TXNRD2: variants seen among roughly 807,000 people sequenced by gnomAD.
TXNRD2 encodes thioredoxin reductase 2, mitochondrial.
A neutral mutation model predicts 70.8 loss-of-function variants in TXNRD2; 67 were observed. The observed-to-expected ratio is 0.95, with a 90% confidence interval of 0.78 to 1.16. The LOEUF is 1.16. Among genes scored for constraint, TXNRD2 ranks in the 50% most tolerant of loss-of-function variants. The probability of loss-of-function intolerance (pLI) is 0.00; values close to 1 mark genes in which losing one functional copy is unlikely to be tolerated. For synonymous variants in TXNRD2, 301 were observed against 295.8 expected (o/e 1.02, Z -0.18); for missense variants, 644 against 719.9 (o/e 0.89, Z 1.21).
chr22:19,924,308 A>G (rs12484658), intron 2 of TXNRD2, among the ~76,000 whole-genome samples: 12,880 of 152,116 alleles, frequency 0.085, 744 homozygotes, highest in East Asian at 0.22. Flanking sequence ...CAGGGCGTTC[A>G]TCTTCATCCT....
At chr22:19,903,550 G>A (rs933641017) in intron 8 of TXNRD2, among the ~76,000 whole-genome samples, 2 of 152,248 alleles carry the variant, frequency 1.3e-5, no homozygotes, top group African/African-American at 4.8e-5. Context: ...AGTCCCTGCC[G>A]GGTGCGGAGG....
chr22:19,888,365 A>C (rs927760874), intron 11 of TXNRD2, among the ~76,000 whole-genome samples: 13 of 152,114 alleles, frequency 8.5e-5, no homozygotes, highest in African/African-American at 2.4e-4. Flanking sequence ...AACCACCCAC[A>C]CAGTCACCAT....
At chr22:19,909,399 G>A (rs1940216420) in intron 8 of TXNRD2, among the ~76,000 whole-genome samples, 2 of 151,750 alleles carry the variant, frequency 1.3e-5, no homozygotes, top group African/African-American at 2.4e-5. Flanking sequence ...AAGGTCAAAG[G>A]AACTATACCA....
chr22:19,923,288 G>A (rs192480611), intron 2 of TXNRD2, among the ~76,000 whole-genome samples: 8 of 152,018 alleles, frequency 5.3e-5, no homozygotes, highest in Admixed American at 2.0e-4. Flanking sequence ...CTTCAATGAT[G>A]ACTTTCAAGG....
At chr22:19,905,068 T>C (rs944286162) in intron 8 of TXNRD2, among the ~76,000 whole-genome samples, 1 of 152,096 alleles carries the variant, frequency 6.6e-6, no homozygotes, top group Non-Finnish European at 1.5e-5. Context: ...CGGGCTTATT[T>C]TGACTGCAGC....
At chr22:19,919,430 A>G in intron 3 of TXNRD2, 113 bp downstream of exon 3, 1 of 957,916 alleles carries the variant, frequency 1.0e-6, no homozygotes, top group Non-Finnish European at 1.6e-6. Flanking sequence ...CTGTCCAGAA[A>G]CCATGGACAG....
chr22:19,913,044 C>A (rs890368261), intron 7 of TXNRD2, among the ~76,000 whole-genome samples: 6 of 152,160 alleles, frequency 3.9e-5, no homozygotes, highest in African/African-American at 1.4e-4. Context: ...CCTGGGAGAC[C>A]CGTGGGGACT....
intron 1 of TXNRD2, among the ~76,000 whole-genome samples, chr22:19,940,620 C>T (rs1451404542): frequency 6.6e-6 from 1 of 152,330 alleles, no homozygotes; most frequent in Non-Finnish European, 1.5e-5. Flanking sequence ...TGATTCTGAA[C>T]CCCATGATAA....
At chr22:19,878,678 C>T (rs1938620425) in intron 14 of TXNRD2, among the ~76,000 whole-genome samples, 1 of 152,242 alleles carries the variant, frequency 6.6e-6, no homozygotes, top group Non-Finnish European at 1.5e-5. Flanking sequence ...CCTGTCCCAC[C>T]CAGGCCTGGG....
chr22:19,899,424 G>A (rs1209372994), intron 8 of TXNRD2, among the ~76,000 whole-genome samples: 3 of 152,210 alleles, frequency 2.0e-5, no homozygotes, highest in South Asian at 2.1e-4. Context: ...GAGATGCTTG[G>A]CAGGATGGGG....
At position 19,898,052 on chromosome 22, in the gene TXNRD2, C is replaced by G. The variant is rs994880290; in HGVS notation, c.761G>C (p.Arg254Pro). ...TTIMMRSIPL[R>P]GFDQQMSSMV... ...CTCCAGCACTACCTGGTCGAAGCCG[C>G]GGAGGGGGATGCTGCGCATCATGAT... Residue 254 changes from arginine (R) to proline (P), a missense_variant, in exon 10 of 18, where the codon CGC becomes CCC. Physicochemically the swap from Arg to Pro is moderately radical, Grantham distance 103. Transcript: ENST00000400521. 1 of 1,558,172 alleles carries G rather than the reference C, an allele frequency of 6.4e-7. No individual in the cohort carries two copies. Among genetic ancestry groups the G allele is most frequent in the African/African-American group, 1.4e-5 (1 of 73,486 alleles).
Position 19,916,117 on chromosome 22 carries a change from G to T in TXNRD2, c.450-274C>A, listed in dbSNP as rs137960501. ...GCTCAGCACGGTCCTAAGAGGCCAC[G>T]TACAGCCCTGGTGTGCAGCAAGAGG... On this transcript the variant is annotated intron_variant, in intron 5 of 17. Coordinates refer to ENST00000400521, the MANE Select transcript of TXNRD2 (RefSeq NM_006440.5). 923 of 430,090 alleles carry T rather than the reference G, an allele frequency of 2.1e-3. 11 individuals are homozygous for T. Among genetic ancestry groups the T allele is most frequent in the African/African-American group, 0.017 (837 of 49,526 alleles). 26.6% of individuals were successfully genotyped at this position (430,090 alleles called of 1,614,324 possible). A position where few individuals can be genotyped will look rare whatever the true frequency, so the allele number is the denominator to read the frequency against.
chr22:19,927,698 G>C (rs1389146743), intron 2 of TXNRD2, among the ~76,000 whole-genome samples: 1 of 137,544 alleles, frequency 7.3e-6, no homozygotes, highest in African/African-American at 2.7e-5. Flanking sequence ...AGAAAAGAAA[G>C]AAAAAGAAAA....
intron 11 of TXNRD2, among the ~76,000 whole-genome samples, chr22:19,892,551 G>C (rs1335565619): frequency 6.6e-6 from 1 of 152,274 alleles, no homozygotes; most frequent in Non-Finnish European, 1.5e-5. Flanking sequence ...CTGCTGAGTA[G>C]GGAGGGGCCT....
At chr22:19,913,509 C>A (rs1940505393) in intron 7 of TXNRD2, among the ~76,000 whole-genome samples, 1 of 152,230 alleles carries the variant, frequency 6.6e-6, no homozygotes, top group African/African-American at 2.4e-5. Flanking sequence ...GGGCTAAAAG[C>A]CTTTCTCTGG....
At position 19,899,033 on chromosome 22, in the gene TXNRD2, C is replaced by A. The variant is rs377147143; in HGVS notation, c.682+16G>T. ...CCAGTTCCCAGGACGGCCACCTGCA[C>A]GCTTGCAAAGGATACAGCTGGCCCC... On this transcript the variant is annotated intron_variant, in intron 9 of 17. Coordinates refer to ENST00000400521, the MANE Select transcript of TXNRD2 (RefSeq NM_006440.5). The A allele has an allele frequency of 4.4e-6, 7 of 1,605,848 alleles. No individual in the cohort carries two copies. The African/African-American group carries it at 9.3e-5, about 21-fold the overall frequency.
chr22:19,878,089 C>T lies in TXNRD2; in HGVS notation c.1445+1G>A. ...CGCAGCCTGCATTCCTCGGGACTTA[C>T]TTGATCCCCAGAGCAAATCCTTGAG... On this transcript the variant is annotated splice_donor_variant, in intron 16 of 17. Transcript: ENST00000400521. LOFTEE classifies it high-confidence loss of function. The T allele has an allele frequency of 6.2e-7, 1 of 1,613,148 alleles. No individual in the cohort carries two copies. The highest frequency in any genetic ancestry group is 8.5e-7 in the Non-Finnish European group (1 of 1,179,726).
intron 12 of TXNRD2, among the ~76,000 whole-genome samples, 197 bp downstream of exon 12, chr22:19,883,128 G>T (rs41281419): frequency 2.0e-5 from 3 of 152,380 alleles, no homozygotes; most frequent in Non-Finnish European, 4.4e-5. Flanking sequence ...GAAAGGAAAG[G>T]AAAGGCAGAG....
At chr22:19,910,718 C>T (rs867804544) in intron 8 of TXNRD2, among the ~76,000 whole-genome samples, 4 of 152,136 alleles carry the variant, frequency 2.6e-5, no homozygotes, top group East Asian at 1.9e-4. Context: ...GCAATCCTCC[C>T]ACCTAAAGCC....
Sources: allele counts gnomAD v4.1 joint callset (sites outside exome capture counted in the v4.1 genomes callset), GRCh38; gene constraint gnomAD v4.1.1; transcripts MANE v1.5; gene names NCBI Gene and HGNC (gene_info 2026-07-23, HGNC 2026-07-21).